DSCAML1: variants seen among roughly 807,000 people sequenced by gnomAD.
DSCAML1 encodes the protein DS cell adhesion molecule like 1, also known as cell adhesion molecule DSCAML1.
In DSCAML1, 38 loss-of-function variants were observed where a neutral mutation model predicts 200.5. The observed-to-expected ratio is 0.19, with a 90% confidence interval of 0.15 to 0.25. The LOEUF (loss-of-function observed/expected upper bound fraction) is 0.25. Among genes scored for constraint, DSCAML1 ranks in the 10% least tolerant of loss-of-function variants. The pLI is 1.00. For missense variants in DSCAML1, 2,223 were observed against 2,858.8 expected, an observed-to-expected ratio of 0.78 and a Z score of 5.07; for synonymous variants, 1,215 against 1,165.0, an observed-to-expected ratio of 1.04 and a Z score of -0.87.
At chr11:117,689,218 C>T (rs941260816) in intron 3 of DSCAML1, among the ~76,000 whole-genome samples, 4 of 152,182 alleles carry the variant, frequency 2.6e-5, no homozygotes, top group Admixed American at 1.3e-4. Context: ...GTTTAAGGGA[C>T]GCATACAAAG....
At chr11:117,632,531 T>G (rs1348875068) in intron 3 of DSCAML1, among the ~76,000 whole-genome samples, 1 of 152,100 alleles carries the variant, frequency 6.6e-6, no homozygotes, top group Non-Finnish European at 1.5e-5. Flanking sequence ...CAGCAGGCCA[T>G]AAAAGGGATT....
chr11:117,605,578 T>C (rs1226450902), intron 3 of DSCAML1, among the ~76,000 whole-genome samples: 1 of 152,334 alleles, frequency 6.6e-6, no homozygotes, highest in African/African-American at 2.4e-5. Flanking sequence ...GTTGTTGGAC[T>C]AGATTTCTCC....
At chr11:117,800,299 C>T (rs2055645522), upstream of DSCAML1, among the ~76,000 whole-genome samples, 1 of 152,176 alleles carries the variant, frequency 6.6e-6, no homozygotes, top group African/African-American at 2.4e-5. Flanking sequence ...TTCTACCCCA[C>T]GCCCACCTTA....
intron 3 of DSCAML1, among the ~76,000 whole-genome samples, chr11:117,688,206 C>T (rs2053437971): frequency 6.6e-6 from 1 of 152,236 alleles, no homozygotes; most frequent in African/African-American, 2.4e-5. Flanking sequence ...CGTAAAACTG[C>T]TACAGAGGTG....
Position 117,516,224 on chromosome 11 carries a change from G to T in DSCAML1, c.1783+243C>A, listed in dbSNP as rs2049763361. 6.6e-6 allele frequency among the ~76,000 whole-genome samples: 1 copy of T among 152,180 alleles called. No homozygotes were observed. The highest frequency in any genetic ancestry group is 6.5e-5 in the Admixed American group (1 of 15,290). On this transcript the variant is annotated intron_variant, in intron 8 of 32. Transcript: ENST00000651296. This position sits in a 1 kb window ranked among gnomAD's most constrained non-coding sequence, Gnocchi z 5.7. ...TGTAACTCACCCTCTCATGCACCTG[G>T]GGTGTGTGCTGTCTTATTCTGCAGC... is the stretch of plus-strand genomic sequence containing the variant.
intron 3 of DSCAML1, among the ~76,000 whole-genome samples, chr11:117,679,682 T>A (rs895742561): frequency 6.6e-6 from 1 of 152,166 alleles, no homozygotes; most frequent in Non-Finnish European, 1.5e-5. Context: ...TCTATTCTAA[T>A]GTAATCCACA....
rs200252729 is a variant in DSCAML1 at position 117,481,253 on chromosome 11, A to T, written c.2577T>A (p.Arg859=). 4 of 1,613,732 alleles carry T rather than the reference A, an allele frequency of 2.5e-6. No individual in the cohort carries two copies. In the South Asian group the frequency reaches 3.3e-5, roughly 13 times the overall value. ...VSTLKLKPAD[R]GDSVFFSCHA... ...GGCAGCTGAAGAACACAGAGTCCCC[A>T]CGGTCAGCGGGCTTGAGCTGGGAGA... The change falls in exon 13 of 33, where the codon CGT becomes CGA. Residue 859 remains arginine (R), a synonymous_variant. Coordinates refer to ENST00000651296, the MANE Select transcript of DSCAML1 (RefSeq NM_020693.4).
chr11:117,815,204 C>T (rs902470369), intron 1 of DSCAML1, among the ~76,000 whole-genome samples: 11 of 152,212 alleles, frequency 7.2e-5, no homozygotes, highest in African/African-American at 1.7e-4. Context: ...ATCCAAGGGG[C>T]GGGAGGGAAC....
chr11:117,754,105 G>A (rs1591474369), intron 3 of DSCAML1, among the ~76,000 whole-genome samples: 3 of 152,144 alleles, frequency 2.0e-5, no homozygotes, highest in Admixed American at 1.3e-4. Flanking sequence ...TTTGGATCAG[G>A]GTTGAGCAAG....
chr11:117,736,222 A>T (rs7951237), intron 3 of DSCAML1, among the ~76,000 whole-genome samples: 120,514 of 152,138 alleles, frequency 0.79, 51,215 homozygotes, highest in Non-Finnish European at 0.94. Context: ...AGTCACCACG[A>T]GGCTTGGCTG....
At chr11:117,805,209 G>A (rs143860871) in intron 1 of DSCAML1, among the ~76,000 whole-genome samples, 149 of 152,320 alleles carry the variant, frequency 9.8e-4, no homozygotes, top group African/African-American at 3.5e-3. Context: ...GAAATGGGGT[G>A]TTGCCTGGGT....
chr11:117,724,546 C>T (rs148029096), intron 3 of DSCAML1, among the ~76,000 whole-genome samples: 16 of 152,266 alleles, frequency 1.1e-4, no homozygotes, highest in Admixed American at 3.9e-4. Context: ...GCTCAGATGC[C>T]GGCTAACTTT....
chr11:117,685,327 G>T lies in DSCAML1; in HGVS notation c.511+91464C>A, dbSNP rs1399916934. On this transcript the variant is annotated intron_variant, in intron 3 of 32. Coordinates refer to ENST00000651296, the MANE Select transcript of DSCAML1 (RefSeq NM_020693.4). ...GTCAGAGCTGGAATCCAGGCCTCCT[G>T]ATTCCCAGAAAGCGGCTATCTTCAT... Among the ~76,000 whole-genome samples, 4 of 152,332 alleles carry T rather than the reference G, an allele frequency of 2.6e-5. No individual in the cohort carries two copies. The South Asian group carries it at 6.2e-4, about 24-fold the overall frequency.
intron 3 of DSCAML1, among the ~76,000 whole-genome samples, chr11:117,651,604 C>A (rs985505191): frequency 6.9e-6 from 1 of 144,814 alleles, no homozygotes; most frequent in Admixed American, 7.1e-5. Flanking sequence ...CCCAGCTACT[C>A]GGGAGGCTGA....
In DSCAML1 at chr11:117,438,115, C is replaced by T. The variant is rs139164865; in HGVS notation, c.4244-32G>A. The T allele has an allele frequency of 2.2e-4, 349 of 1,570,570 alleles. 2 individuals are homozygous for T. In the African/African-American group the frequency reaches 4.4e-3, roughly 20 times the overall value. ...AGGGTAGGCCTGATTCAGGTGGGGGCAGGGCAGGGCAAGGCAGCAGAAGCC... is the reference window on the plus strand; with the variant it reads ...AGGGTAGGCCTGATTCAGGTGGGGGTAGGGCAGGGCAAGGCAGCAGAAGCC... On this transcript the variant is annotated intron_variant, in intron 24 of 32. Transcript: ENST00000651296.
At chr11:117,540,151 T>C (rs758720908) in intron 3 of DSCAML1, among the ~76,000 whole-genome samples, 2 of 152,198 alleles carry the variant, frequency 1.3e-5, no homozygotes, top group Non-Finnish European at 2.9e-5. Flanking sequence ...AGTTGTTTAA[T>C]GCAGGGGTTC....
At chr11:117,794,632 G>C (rs1013473438) in intron 1 of DSCAML1, among the ~76,000 whole-genome samples, 2 of 151,930 alleles carry the variant, frequency 1.3e-5, no homozygotes, top group Non-Finnish European at 2.9e-5. Flanking sequence ...TAACAGGCTC[G>C]AACATTCACA....
At chr11:117,681,123 G>T (rs2053303474) in intron 3 of DSCAML1, among the ~76,000 whole-genome samples, 1 of 152,138 alleles carries the variant, frequency 6.6e-6, no homozygotes, top group Non-Finnish European at 1.5e-5. Flanking sequence ...ACACGCATCT[G>T]CAAACCCACC....
At chr11:117,560,125 C>G (rs55741146) in intron 3 of DSCAML1, among the ~76,000 whole-genome samples, 34,240 of 151,748 alleles carry the variant, frequency 0.23, 4,128 homozygotes, top group Middle Eastern at 0.33. Context: ...CCACTTTGAC[C>G]AGGGACACAG....
Sources: allele counts gnomAD v4.1 joint callset (sites outside exome capture counted in the v4.1 genomes callset), GRCh38; gene constraint gnomAD v4.1.1; non-coding constraint Gnocchi (gnomAD v3.1); transcripts MANE v1.5; gene names NCBI Gene and HGNC (gene_info 2026-07-23, HGNC 2026-07-21).